SCLT1: variants seen among roughly 807,000 people sequenced by gnomAD.
SCLT1 encodes sodium channel-associated protein 1.
A neutral mutation model predicts 112.8 loss-of-function variants in SCLT1; 78 were observed. The ratio of observed to expected loss-of-function variants is 0.69; its 90% CI spans 0.58 to 0.83. The LOEUF (loss-of-function observed/expected upper bound fraction) is 0.83, where lower values mean the gene tolerates loss of function less well. Among genes scored for constraint, SCLT1 ranks in the 40% least tolerant of loss-of-function variants. The probability of loss-of-function intolerance (pLI) is 0.00; values close to 1 mark genes in which losing one functional copy is unlikely to be tolerated. For synonymous variants in SCLT1, 257 were observed against 254.7 expected, an observed-to-expected ratio of 1.01 and a Z score of -0.09; for missense variants, 747 against 770.4, an observed-to-expected ratio of 0.97 and a Z score of 0.36.
downstream of SCLT1, among the ~76,000 whole-genome samples, chr4:128,881,573 C>T (rs887097185): frequency 6.6e-6 from 1 of 152,146 alleles, no homozygotes; most frequent in African/African-American, 2.4e-5. Flanking sequence ...AATCATATCT[C>T]CTTTCTTCTT....
chr4:129,018,802 A>G (rs1745207925), intron 5 of SCLT1, among the ~76,000 whole-genome samples: 1 of 152,130 alleles, frequency 6.6e-6, no homozygotes, highest in East Asian at 1.9e-4. Context: ...TCAACAGACC[A>G]ACTACTAAGT....
chr4:129,044,108 T>C (rs543180546), intron 2 of SCLT1, 57 bp from the exon 3 acceptor site: 6 of 846,502 alleles, frequency 7.1e-6, no homozygotes, highest in Middle Eastern at 2.4e-4. Flanking sequence ...CCAAAATTGA[T>C]AGTGATATAA....
chr4:128,873,764 A>C (rs1732377500), intron 5 of SCLT1: 1 of 152,474 alleles, frequency 6.6e-6, no homozygotes, highest in Non-Finnish European at 1.5e-5. Flanking sequence ...ATTCATTTAT[A>C]CATCTGTTTC....
intron 5 of SCLT1, among the ~76,000 whole-genome samples, chr4:129,019,873 ATT>A (rs34589320): frequency 2.0e-5 from 3 of 148,314 alleles, no homozygotes; most frequent in African/African-American, 4.9e-5. Context: ...AATCATACAC[ATT>A]TTTTTTTTTC....
At chr4:129,019,167 C>A (rs766723416) in intron 5 of SCLT1, among the ~76,000 whole-genome samples, 137 of 152,110 alleles carry the variant, frequency 9.0e-4, no homozygotes, top group Middle Eastern at 6.8e-3. Context: ...AACTGAGTTC[C>A]ATATAAATTC....
intron 2 of SCLT1, among the ~76,000 whole-genome samples, chr4:129,079,633 G>A (rs1269298462): frequency 6.6e-6 from 1 of 152,226 alleles, no homozygotes; most frequent in African/African-American, 2.4e-5. Context: ...GAGTGCCTGA[G>A]GCTTTTCCAG....
chr4:128,877,319 T>G (rs1351673357), intron 3 of SCLT1, among the ~76,000 whole-genome samples: 1 of 152,064 alleles, frequency 6.6e-6, no homozygotes, highest in African/African-American at 2.4e-5. Flanking sequence ...TAGGGGTAGA[T>G]CTGGGATTCA....
intron 15 of SCLT1, 97 bp downstream of exon 15, chr4:128,948,395 CAAAT>C (rs1483476578): frequency 3.1e-5 from 23 of 740,448 alleles, no homozygotes; most frequent in Non-Finnish European, 4.1e-5. Context: ...ACAATACTAA[CAAAT>C]AAAGGAATTG....
chr4:128,971,968 A>C (rs1269988355), intron 9 of SCLT1: 1 of 152,400 alleles, frequency 6.6e-6, no homozygotes, highest in Non-Finnish European at 1.5e-5. Flanking sequence ...GGTTGCAGTG[A>C]GCCGAGATCG....
chr4:129,041,047 A>G (rs1386043845), intron 4 of SCLT1, among the ~76,000 whole-genome samples: 1 of 152,230 alleles, frequency 6.6e-6, no homozygotes, highest in African/African-American at 2.4e-5. Flanking sequence ...ATTTAAATGA[A>G]TTTAATTTCA....
At chr4:129,056,708 T>G (rs1749427856) in intron 2 of SCLT1, among the ~76,000 whole-genome samples, 1 of 152,238 alleles carries the variant, frequency 6.6e-6, no homozygotes, top group Non-Finnish European at 1.5e-5. Context: ...TTACTTAATT[T>G]GTTGATCAGT....
At chr4:128,947,995 T>C (rs1738324792) in intron 15 of SCLT1, among the ~76,000 whole-genome samples, 1 of 152,146 alleles carries the variant, frequency 6.6e-6, no homozygotes, top group Non-Finnish European at 1.5e-5. Flanking sequence ...TTTATATCTT[T>C]AAGTACAAAG....
chr4:129,029,971 T>G (rs189872057), intron 5 of SCLT1, among the ~76,000 whole-genome samples: 15 of 152,210 alleles, frequency 9.9e-5, no homozygotes, highest in Admixed American at 3.9e-4. Flanking sequence ...CTAATAGACA[T>G]CTACAGAACT....
intron 1 of SCLT1, among the ~76,000 whole-genome samples, chr4:129,092,532 A>C (rs1436256342): frequency 1.3e-5 from 2 of 152,228 alleles, no homozygotes; most frequent in Non-Finnish European, 2.9e-5. Flanking sequence ...ATATTTTAAT[A>C]TTCATTTAAT....
chr4:129,092,020 T>C (rs1752873435), intron 1 of SCLT1, among the ~76,000 whole-genome samples: 1 of 152,234 alleles, frequency 6.6e-6, no homozygotes, highest in South Asian at 2.1e-4. Context: ...AGTCTCCCTG[T>C]GCCCAACTTA....
chr4:128,963,595 T>G (rs1218752411), intron 11 of SCLT1, among the ~76,000 whole-genome samples: 1 of 152,208 alleles, frequency 6.6e-6, no homozygotes, highest in Non-Finnish European at 1.5e-5. Flanking sequence ...CTTAGACCTT[T>G]TTCTACTACT....
At chr4:128,885,367 T>A (rs1052392289) in intron 20 of SCLT1, among the ~76,000 whole-genome samples, 3 of 152,326 alleles carry the variant, frequency 2.0e-5, no homozygotes, top group Admixed American at 2.0e-4. Context: ...TTAAAGTATG[T>A]TTCCGTAAAT....
chr4:128,969,329 T>C (rs530011645), intron 10 of SCLT1, among the ~76,000 whole-genome samples: 18 of 152,190 alleles, frequency 1.2e-4, no homozygotes, highest in Admixed American at 7.2e-4. Flanking sequence ...TCCCAGCACT[T>C]TGGGAGGCTG....
intron 9 of SCLT1, among the ~76,000 whole-genome samples, chr4:128,973,529 A>G (rs952459051): frequency 6.6e-6 from 1 of 151,704 alleles, no homozygotes; most frequent in African/African-American, 2.4e-5. Context: ...AGGGAGAGAG[A>G]GAAAGAGAGA....
Sources: allele counts gnomAD v4.1 joint callset (sites outside exome capture counted in the v4.1 genomes callset), GRCh38; gene constraint gnomAD v4.1.1; transcripts MANE v1.5; gene names NCBI Gene and HGNC (gene_info 2026-07-23, HGNC 2026-07-21).